The following SLC1A2 variants were observed in gnomAD, a reference collection of about 807,000 sequenced individuals.
The protein encoded by SLC1A2 is excitatory amino acid transporter 2.
In SLC1A2, 15 loss-of-function variants were observed where a neutral mutation model predicts 48.8. The observed-to-expected ratio is 0.31, with a 90% CI of 0.21 to 0.47. The LOEUF is 0.47. SLC1A2 is among the 20% of genes least tolerant of loss of function. The pLI, the probability that SLC1A2 is intolerant of heterozygous loss-of-function variation, is 0.99. For synonymous variants in SLC1A2, 279 were observed against 272.6 expected (o/e 1.02, Z -0.23); for missense variants, 502 against 730.5 (o/e 0.69, Z 3.61).
Position 35,260,600 on chromosome 11 carries a change from A to G in SLC1A2, c.*294T>C. The G allele has an allele frequency of 2.7e-6, 1 of 365,776 alleles. No homozygotes were observed. Among genetic ancestry groups the G allele is most frequent in the Non-Finnish European group, 5.0e-6 (1 of 198,456 alleles). The allele number at this position is 365,776 out of a possible 1,614,324, so 22.7% of individuals were successfully genotyped here. On this transcript the variant is annotated 3_prime_UTR_variant, in exon 11 of 11. Coordinates refer to ENST00000278379, the MANE Select transcript of SLC1A2 (RefSeq NM_004171.4). ...ATCCACATTTCTGCATCTTGGGAGA[A>G]AAGGGAAGCTGGCAAGAACGTGTCT...
chr11:35,342,657 A>G (rs911741221), intron 1 of SLC1A2, among the ~76,000 whole-genome samples: 1 of 152,066 alleles, frequency 6.6e-6, no homozygotes, highest in Non-Finnish European at 1.5e-5. Flanking sequence ...GTGGTGGCTC[A>G]TGCCTGTAAT....
At chr11:35,313,268 G>A (rs1851763999) in intron 3 of SLC1A2, among the ~76,000 whole-genome samples, 1 of 152,168 alleles carries the variant, frequency 6.6e-6, no homozygotes. Context: ...GAGAGTCTGA[G>A]AATAACGATT....
chr11:35,404,071 T>C (rs1855212833), intron 1 of SLC1A2, among the ~76,000 whole-genome samples: 1 of 151,998 alleles, frequency 6.6e-6, no homozygotes, highest in South Asian at 2.1e-4. Context: ...ATTTTGTTGC[T>C]TGCTTCCCAT....
intron 1 of SLC1A2, among the ~76,000 whole-genome samples, chr11:35,373,405 C>T (rs1440472363): frequency 6.6e-6 from 1 of 152,144 alleles, no homozygotes; most frequent in East Asian, 1.9e-4. Flanking sequence ...TGATCTTCTG[C>T]CCCTAGACTG....
chr11:35,374,333 T>G, intron 1 of SLC1A2: 2 of 995,928 alleles, frequency 2.0e-6, no homozygotes, highest in South Asian at 2.5e-5. Context: ...GCCTGGACCC[T>G]GCCCAGCAGA....
At chr11:35,322,709 T>C (rs995986985) in intron 1 of SLC1A2, 1 of 1,219,250 alleles carries the variant, frequency 8.2e-7, no homozygotes, top group African/African-American at 1.5e-5. Flanking sequence ...CAGTGCTCAC[T>C]GCAGGTCCTC....
intron 9 of SLC1A2, among the ~76,000 whole-genome samples, chr11:35,267,776 A>G (rs920548767): frequency 9.1e-4 from 53 of 58,040 alleles, no homozygotes; most frequent in East Asian, 1.8e-3. Context: ...CAAATGGGGA[A>G]AAAAAAAAAA....
At chr11:35,387,622 T>G (rs571603542) in intron 1 of SLC1A2, among the ~76,000 whole-genome samples, 1 of 152,314 alleles carries the variant, frequency 6.6e-6, no homozygotes, top group East Asian at 1.9e-4. Flanking sequence ...TAAAATAATG[T>G]CTGGGCCATT....
chr11:35,305,537 G>C (rs889133244), intron 5 of SLC1A2, among the ~76,000 whole-genome samples: 1 of 152,168 alleles, frequency 6.6e-6, no homozygotes, highest in African/African-American at 2.4e-5. Flanking sequence ...ACTGGGCTAG[G>C]AGAAAGGGCT....
intron 1 of SLC1A2, among the ~76,000 whole-genome samples, chr11:35,398,527 G>A (rs781466307): frequency 6.6e-6 from 1 of 152,166 alleles, no homozygotes; most frequent in African/African-American, 2.4e-5. Flanking sequence ...GAGGGTGGGA[G>A]GAGGGTGAAT....
At chr11:35,400,978 GC>G (rs1245260019) in intron 1 of SLC1A2, among the ~76,000 whole-genome samples, 2 of 152,072 alleles carry the variant, frequency 1.3e-5, no homozygotes, top group African/African-American at 4.8e-5. Flanking sequence ...GTTCCAAAAG[GC>G]AGGACAACTG....
At chr11:35,373,931 G>A (rs1190326578) in intron 1 of SLC1A2, among the ~76,000 whole-genome samples, 1 of 152,218 alleles carries the variant, frequency 6.6e-6, no homozygotes, top group Non-Finnish European at 1.5e-5. Flanking sequence ...TAGTACCTAA[G>A]AACGTCGGCT....
At chr11:35,326,553 A>T (rs893685153) in intron 1 of SLC1A2, among the ~76,000 whole-genome samples, 5 of 152,184 alleles carry the variant, frequency 3.3e-5, no homozygotes, top group African/African-American at 7.2e-5. Flanking sequence ...TCTTTTTATC[A>T]CACTTTACAA....
Position 35,259,114 on chromosome 11 carries a change from T to C in SLC1A2, c.*1780A>G, listed in dbSNP as rs1335187381. On this transcript the variant is annotated 3_prime_UTR_variant, in exon 11 of 11. Transcript: ENST00000278379. Reference sequence around the variant, plus strand: ...TTCAGTAGTGATCCTTATCCAAAAATCACTAGGGTTTAGGAGACAAAAACA... The same window carrying C: ...TTCAGTAGTGATCCTTATCCAAAAACCACTAGGGTTTAGGAGACAAAAACA... The C allele has an allele frequency of 3.3e-5, 5 of 152,560 alleles. No individual in the cohort carries two copies. The highest frequency in any genetic ancestry group is 1.2e-4 in the African/African-American group (5 of 41,426). The allele number at this position is 152,560 out of a possible 1,614,324, so 9.5% of individuals were successfully genotyped here. A position where few individuals can be genotyped will look rare whatever the true frequency, so the allele number is the denominator to read the frequency against.
At chr11:35,330,150 T>C (rs1288155600) in intron 1 of SLC1A2, among the ~76,000 whole-genome samples, 1 of 152,202 alleles carries the variant, frequency 6.6e-6, no homozygotes, top group Non-Finnish European at 1.5e-5. Context: ...TTGAGGCATA[T>C]GAAGTTTCTG....
intron 9 of SLC1A2, among the ~76,000 whole-genome samples, chr11:35,273,296 A>T (rs996592856): frequency 1.3e-5 from 2 of 152,176 alleles, no homozygotes; most frequent in African/African-American, 2.4e-5. Flanking sequence ...CTAAAGTCAC[A>T]TGGGGTTAGG....
intron 1 of SLC1A2, among the ~76,000 whole-genome samples, chr11:35,356,857 T>C (rs1853489606): frequency 6.6e-6 from 1 of 152,244 alleles, no homozygotes; most frequent in African/African-American, 2.4e-5. Context: ...ACACATTATT[T>C]AAGTATTGTT....
At chr11:35,382,533 C>T (rs755948197) in intron 1 of SLC1A2, among the ~76,000 whole-genome samples, 4 of 152,222 alleles carry the variant, frequency 2.6e-5, no homozygotes, top group East Asian at 1.9e-4. Context: ...CGGTGGCTCA[C>T]GCCTATAATC....
At chr11:35,294,847 T>G (rs956319694) in intron 6 of SLC1A2, among the ~76,000 whole-genome samples, 5 of 152,152 alleles carry the variant, frequency 3.3e-5, no homozygotes. Context: ...GCTCCCATTG[T>G]AAATGGAGAG....
Sources: allele counts gnomAD v4.1 joint callset (sites outside exome capture counted in the v4.1 genomes callset), GRCh38; gene constraint gnomAD v4.1.1; transcripts MANE v1.5; gene names NCBI Gene and HGNC (gene_info 2026-07-23, HGNC 2026-07-21).